MARCHF3: variants seen among roughly 807,000 people sequenced by gnomAD.
MARCHF3 encodes the protein membrane associated ring-CH-type finger 3.
Under a neutral mutation model 24.2 loss-of-function variants are expected in MARCHF3, and 13 were observed. That is an observed-to-expected ratio of 0.54 (90% CI 0.35 to 0.85). The LOEUF is 0.85. MARCHF3 is among the 40% of genes least tolerant of loss of function. The pLI is 0.01. For synonymous variants in MARCHF3, 144 were observed against 137.3 expected, an observed-to-expected ratio of 1.05 and a Z score of -0.34; for missense variants, 276 against 325.0, an observed-to-expected ratio of 0.85 and a Z score of 1.16.
intron 1 of MARCHF3, among the ~76,000 whole-genome samples, chr5:126,955,057 A>G (rs1750394210): frequency 6.6e-6 from 1 of 152,238 alleles, no homozygotes; most frequent in African/African-American, 2.4e-5. Flanking sequence ...TTGTTCGCCC[A>G]ACGCTGTTTC....
intron 3 of MARCHF3, among the ~76,000 whole-genome samples, chr5:126,890,595 T>A (rs561625892): frequency 3.3e-5 from 5 of 152,126 alleles, no homozygotes; most frequent in African/African-American, 1.2e-4. Context: ...GTTTCATCCA[T>A]GTCCCTACAA....
In MARCHF3 at chr5:127,006,615, G is replaced by T. The variant is rs201047158; in HGVS notation, c.-57+23735C>A. Among the ~76,000 whole-genome samples the T allele has an allele frequency of 5.9e-5, 9 of 152,268 alleles. No homozygotes were observed. The East Asian group carries it at 1.5e-3, about 26-fold the overall frequency. On this transcript the variant is annotated intron_variant, in intron 1 of 4. Coordinates refer to ENST00000308660, the MANE Select transcript of MARCHF3 (RefSeq NM_178450.5). ...GAAGTTGCTTATTATCACAGAAATAGTTAATGAAATATGAAACACTTTCCT... is the reference window on the plus strand; with the variant it reads ...GAAGTTGCTTATTATCACAGAAATATTTAATGAAATATGAAACACTTTCCT...
intron 1 of MARCHF3, among the ~76,000 whole-genome samples, chr5:127,003,085 A>G (rs896776899): frequency 6.6e-6 from 1 of 152,024 alleles, no homozygotes; most frequent in Non-Finnish European, 1.5e-5. Context: ...GGTGCCCAGC[A>G]TTCACAAAAC....
At chr5:126,949,458 C>A (rs1750139878) in intron 1 of MARCHF3, among the ~76,000 whole-genome samples, 1 of 152,182 alleles carries the variant, frequency 6.6e-6, no homozygotes. Context: ...AAATGTCGAG[C>A]TATTAATACA....
intron 1 of MARCHF3, among the ~76,000 whole-genome samples, chr5:127,010,708 C>A (rs1752443925): frequency 6.6e-6 from 1 of 152,104 alleles, no homozygotes; most frequent in African/African-American, 2.4e-5. Context: ...AATACTTTTT[C>A]CACTGAGGAA....
At chr5:126,890,196 T>C (rs1006910521) in intron 3 of MARCHF3, among the ~76,000 whole-genome samples, 13 of 152,214 alleles carry the variant, frequency 8.5e-5, no homozygotes, top group East Asian at 3.8e-4. Context: ...CCTTTGATTA[T>C]GTTTAATGTT....
intron 1 of MARCHF3, among the ~76,000 whole-genome samples, chr5:126,994,849 C>T (rs996990228): frequency 1.3e-5 from 2 of 152,250 alleles, no homozygotes; most frequent in South Asian, 2.1e-4. Flanking sequence ...AACAGTGCAG[C>T]CTTCAGCCGG....
chr5:126,972,620 C>T (rs1248573058), intron 1 of MARCHF3, among the ~76,000 whole-genome samples: 1 of 152,126 alleles, frequency 6.6e-6, no homozygotes, highest in African/African-American at 2.4e-5. Context: ...CAGCATATTC[C>T]TCCCATCTGA....
At chr5:127,019,104 AATAGAT>A (rs1343982762) in intron 1 of MARCHF3, among the ~76,000 whole-genome samples, 16 of 152,224 alleles carry the variant, frequency 1.1e-4, no homozygotes, top group African/African-American at 3.9e-4. Flanking sequence ...ATTTAGTACA[AATAGAT>A]ATAAATTAGT....
intron 1 of MARCHF3, among the ~76,000 whole-genome samples, chr5:127,004,253 AACGG>A (rs2126852781): frequency 6.6e-6 from 1 of 152,316 alleles, no homozygotes; most frequent in South Asian, 2.1e-4. Context: ...TAGGCTGCAA[AACGG>A]GGCTGTGCCT....
At chr5:126,972,172 AAGTT>A (rs1751037792) in intron 1 of MARCHF3, among the ~76,000 whole-genome samples, 1 of 151,904 alleles carries the variant, frequency 6.6e-6, no homozygotes, top group Non-Finnish European at 1.5e-5. Context: ...TTATAATACA[AAGTT>A]AGGAGTACAA....
intron 1 of MARCHF3, among the ~76,000 whole-genome samples, chr5:126,992,159 G>A: frequency 6.6e-6 from 1 of 152,130 alleles, no homozygotes; most frequent in East Asian, 1.9e-4. Flanking sequence ...CTCACATTCT[G>A]TTAGCTTAGC....
rs78099205 is a variant in MARCHF3, at chr5:126,999,340, T to C, written c.-57+31010A>G. 3.2e-3 allele frequency among the ~76,000 whole-genome samples: 486 copies of C among 152,318 alleles called. 2 individuals are homozygous for C. The highest frequency in any genetic ancestry group is 0.011 in the African/African-American group (459 of 41,568). On this transcript the variant is annotated intron_variant, in intron 1 of 4. Transcript: ENST00000308660. ...CCCAGACCAGCTTTCAATGAGTCCA[T>C]TAGAGCCGGCCAGTCCAACACAACT...
At chr5:126,989,274 GTC>G (rs1031725397) in intron 1 of MARCHF3, among the ~76,000 whole-genome samples, 1 of 151,414 alleles carries the variant, frequency 6.6e-6, no homozygotes, top group Non-Finnish European at 1.5e-5. Flanking sequence ...GAGAGACCCT[GTC>G]TCTAGAATAC....
chr5:127,016,252 G>GT (rs1168326324), intron 1 of MARCHF3, among the ~76,000 whole-genome samples: 2 of 152,102 alleles, frequency 1.3e-5, no homozygotes, highest in Non-Finnish European at 2.9e-5. Flanking sequence ...GTGAACTACT[G>GT]TTATGAGTTC....
chr5:126,884,480 C>T (rs1378091714), intron 3 of MARCHF3, among the ~76,000 whole-genome samples: 2 of 152,198 alleles, frequency 1.3e-5, no homozygotes, highest in Non-Finnish European at 2.9e-5. Context: ...TTCAACGACC[C>T]AGTCAACATC....
chr5:127,003,171 G>T (rs77115782), intron 1 of MARCHF3, among the ~76,000 whole-genome samples: 7,814 of 146,884 alleles, frequency 0.053, 374 homozygotes, highest in South Asian at 0.14. Context: ...GGTAAGTGCG[G>T]TGTGAAACTA....
intron 1 of MARCHF3, among the ~76,000 whole-genome samples, chr5:126,931,566 T>G (rs1749479519): frequency 8.0e-6 from 1 of 125,196 alleles, no homozygotes; most frequent in African/African-American, 3.2e-5. Context: ...AATACATACA[T>G]GAATACACAC....
chr5:126,888,957 G>C (rs1344771853), intron 3 of MARCHF3, among the ~76,000 whole-genome samples: 1 of 152,160 alleles, frequency 6.6e-6, no homozygotes, highest in African/African-American at 2.4e-5. Flanking sequence ...TAGAGATGGG[G>C]TTTTGCCATG....
Sources: allele counts gnomAD v4.1 joint callset (sites outside exome capture counted in the v4.1 genomes callset), GRCh38; gene constraint gnomAD v4.1.1; transcripts MANE v1.5; gene names NCBI Gene and HGNC (gene_info 2026-07-23, HGNC 2026-07-21).